Variants in PIEZO2 observed in about 807,000 individuals in gnomAD.
PIEZO2 encodes the protein piezo type mechanosensitive ion channel component 2.
A neutral mutation model predicts 337.3 loss-of-function variants in PIEZO2; 172 were observed. That is an observed-to-expected ratio of 0.51 (90% CI 0.45 to 0.58). The LOEUF (loss-of-function observed/expected upper bound fraction) is 0.58. Among genes scored for constraint, PIEZO2 ranks in the 20% least tolerant of loss-of-function variants. The pLI, the probability that PIEZO2 is intolerant of heterozygous loss-of-function variation, is 0.00. For missense variants in PIEZO2, 3,028 were observed against 3,391.3 expected (o/e 0.89, Z 2.66); for synonymous variants, 1,251 against 1,228.5 (o/e 1.02, Z -0.38).
At chr18:10,736,732 C>T (rs750895688) in intron 33 of PIEZO2, 22 bp from the exon 34 acceptor site, 12 of 1,532,040 alleles carry the variant, frequency 7.8e-6, no homozygotes, top group African/African-American at 2.8e-5. Flanking sequence ...AAAATATTCA[C>T]TCATTTCTTG....
chr18:10,787,953 A>G (rs2039280101), intron 15 of PIEZO2, among the ~76,000 whole-genome samples: 1 of 152,110 alleles, frequency 6.6e-6, no homozygotes, highest in Non-Finnish European at 1.5e-5. Flanking sequence ...AAAGCAGTCA[A>G]TGCACTATAC....
At chr18:10,732,056 A>T (rs2036809898) in intron 35 of PIEZO2, among the ~76,000 whole-genome samples, 1 of 152,232 alleles carries the variant, frequency 6.6e-6, no homozygotes, top group Non-Finnish European at 1.5e-5. Context: ...AAAATGTGAT[A>T]TTAAGGTTAA....
At chr18:10,826,607 T>C (rs1252404042) in intron 7 of PIEZO2, among the ~76,000 whole-genome samples, 2 of 152,232 alleles carry the variant, frequency 1.3e-5, no homozygotes, top group African/African-American at 4.8e-5. Context: ...TCAGCAAATT[T>C]CTTCCATCTT....
chr18:10,739,218 G>C (rs980951081), intron 33 of PIEZO2: 2 of 152,110 alleles, frequency 1.3e-5, no homozygotes, highest in African/African-American at 2.4e-5. Flanking sequence ...TAACACCACA[G>C]TCTGAATATG....
chr18:10,849,373 G>A (rs1240609627), intron 7 of PIEZO2, among the ~76,000 whole-genome samples: 1 of 151,922 alleles, frequency 6.6e-6, no homozygotes, highest in Admixed American at 6.6e-5. Flanking sequence ...TGTGATGTGC[G>A]GCCAAACTAT....
chr18:10,673,589 T>A lies in PIEZO2; in HGVS notation c.8162-716A>T, dbSNP rs1315978436. The stretch of plus-strand genomic sequence containing the variant: ...AATCTCTGAGAACCATAATATCGGG[T>A]CAGTGATTACTTTTATTGGAGTTTA... On this transcript the variant is annotated intron_variant, in intron 54 of 55. Transcript: ENST00000674853. This position sits in a 1 kb window ranked among gnomAD's most constrained non-coding sequence, Gnocchi z 4.8. Among the ~76,000 whole-genome samples the A allele has an allele frequency of 6.6e-6, 1 of 152,124 alleles. No individual in the cohort carries two copies. The highest frequency in any genetic ancestry group is 1.5e-5 in the Non-Finnish European group (1 of 68,022).
intron 20 of PIEZO2, 25 bp from the exon 21 acceptor site, chr18:10,770,333 G>A: frequency 6.6e-7 from 1 of 1,507,804 alleles, no homozygotes; most frequent in Non-Finnish European, 8.8e-7. Context: ...GTACAGACAA[G>A]AGCATAACAT....
At chr18:10,684,226 C>A (rs1280493827) in intron 49 of PIEZO2, among the ~76,000 whole-genome samples, 1 of 112,610 alleles carries the variant, frequency 8.9e-6, no homozygotes, top group Non-Finnish European at 1.6e-5. Context: ...AGTGCAGTGG[C>A]GCGATCTTGG....
chr18:10,719,002 TAAA>T lies in PIEZO2; in HGVS notation c.5030-746_5030-744del, dbSNP rs1567981799. ...TAAAATAAATAAATAAATAAATAAATAAATAAATAAATAAATAAATAAATTTGC... is the reference window on the plus strand; with the variant it reads ...TAAAATAAATAAATAAATAAATAAATTAAATAAATAAATAAATAAATTTGC... On this transcript the variant is annotated intron_variant, in intron 36 of 55. Coordinates refer to ENST00000674853, the MANE Select transcript of PIEZO2 (RefSeq NM_001378183.1). Among the ~76,000 whole-genome samples, 1,367 of 150,798 alleles carry T rather than the reference TAAA, an allele frequency of 9.1e-3. 22 individuals are homozygous for T. The highest frequency in any genetic ancestry group is 0.031 in the African/African-American group (1,280 of 41,134).
At position 11,116,560 on chromosome 18, in the gene PIEZO2, A is replaced by T. The variant is rs999261841; in HGVS notation, c.64+31965T>A. Among the ~76,000 whole-genome samples, 14 of 151,986 alleles carry T rather than the reference A, an allele frequency of 9.2e-5. No homozygotes were observed. Among genetic ancestry groups the T allele is most frequent in the East Asian group, 1.9e-4 (1 of 5,160 alleles). On this transcript the variant is annotated intron_variant, in intron 1 of 55. Transcript: ENST00000674853. The surrounding 1 kb of genome is among the most constrained non-coding windows in gnomAD (Gnocchi z 5.0). The stretch of plus-strand genomic sequence containing the variant: ...AACCCCGTCTCTACTAAAAAAAATT[A>T]AAAAATTAGCCGGGCGTGGTGGCGG...
At chr18:10,912,086 CAGA>C (rs1485091731) in intron 3 of PIEZO2, among the ~76,000 whole-genome samples, 4 of 151,750 alleles carry the variant, frequency 2.6e-5, no homozygotes, top group African/African-American at 9.7e-5. Flanking sequence ...CATGTTAAAT[CAGA>C]AGAACACAAA....
rs1470623903 is a variant in PIEZO2, at chr18:11,096,630, C to A, written c.65-30408G>T. Among the ~76,000 whole-genome samples the A allele has an allele frequency of 6.6e-6, 1 of 152,142 alleles. No homozygotes were observed. The highest frequency in any genetic ancestry group is 2.4e-5 in the African/African-American group (1 of 41,428). On this transcript the variant is annotated intron_variant, in intron 1 of 55. Transcript: ENST00000674853. The surrounding 1 kb of genome is among the most constrained non-coding windows in gnomAD (Gnocchi z 4.6). ...TCTCAGATTTATGGCTTATTTCCTG[C>A]CCTTCACCCTCATCTCCCCCACCCA...
chr18:11,035,209 G>A lies in PIEZO2; in HGVS notation c.160+30918C>T, dbSNP rs983992579. ...ATGTGATCCCCAATATTGGACATGG[G>A]GCCTGGTGGGAGGTGTTTGGTCCCA... On this transcript the variant is annotated intron_variant, in intron 2 of 55. Transcript: ENST00000674853. The surrounding 1 kb of genome is among the most constrained non-coding windows in gnomAD (Gnocchi z 4.3). 4.4e-4 allele frequency among the ~76,000 whole-genome samples: 67 copies of A among 152,056 alleles called. No homozygotes were observed. Among genetic ancestry groups the A allele is most frequent in the African/African-American group, 1.5e-3 (62 of 41,400 alleles).
rs1202555785 is a variant in PIEZO2 at position 11,031,188 on chromosome 18, A to T, written c.160+34939T>A. On this transcript the variant is annotated intron_variant, in intron 2 of 55. Transcript: ENST00000674853. This position sits in a 1 kb window ranked among gnomAD's most constrained non-coding sequence, Gnocchi z 4.7. Reference sequence around the variant, plus strand: ...TGTATTTTTTTTTTTTTTAGTGGAGATGGGATTTCACCGTGTTAGCCAGGA... The same window carrying T: ...TGTATTTTTTTTTTTTTTAGTGGAGTTGGGATTTCACCGTGTTAGCCAGGA... Among the ~76,000 whole-genome samples, 4 of 147,170 alleles carry T rather than the reference A, an allele frequency of 2.7e-5. No individual in the cohort carries two copies. The East Asian group carries it at 5.9e-4, about 22-fold the overall frequency.
At chr18:10,935,962 T>C (rs756910576) in intron 3 of PIEZO2, among the ~76,000 whole-genome samples, 4 of 152,164 alleles carry the variant, frequency 2.6e-5, no homozygotes, top group African/African-American at 9.6e-5. Context: ...TAGTGGGCCA[T>C]AATGGGAAGT....
At chr18:10,715,114 A>T (rs1311834868) in intron 38 of PIEZO2, among the ~76,000 whole-genome samples, 184 bp from the exon 39 acceptor site, 1 of 152,224 alleles carries the variant, frequency 6.6e-6, no homozygotes, top group Admixed American at 6.5e-5. Flanking sequence ...TACTAGGTAG[A>T]TCTAAGTAAA....
In PIEZO2 at chr18:11,086,247, G is replaced by A. The variant is rs568338873; in HGVS notation, c.65-20025C>T. Among the ~76,000 whole-genome samples, 3 of 152,262 alleles carry A rather than the reference G, an allele frequency of 2.0e-5. No homozygotes were observed. In the East Asian group the frequency reaches 5.8e-4, roughly 29 times the overall value. On this transcript the variant is annotated intron_variant, in intron 1 of 55. Coordinates refer to ENST00000674853, the MANE Select transcript of PIEZO2 (RefSeq NM_001378183.1). ...GAGAAATCTCAAAACAGGGCCGGGC[G>A]CAGTGGCTCATGCCTGTAATCCCAG...
intron 4 of PIEZO2, among the ~76,000 whole-genome samples, chr18:10,873,199 T>C (rs1323918596): frequency 1.3e-5 from 2 of 152,162 alleles, no homozygotes; most frequent in African/African-American, 4.8e-5. Context: ...TTTTGGAAAA[T>C]AAAAGTTATC....
Position 10,726,615 on chromosome 18 carries a change from C to A in PIEZO2, c.5029+4792G>T. On this transcript the variant is annotated intron_variant, in intron 36 of 55. Coordinates refer to ENST00000674853, the MANE Select transcript of PIEZO2 (RefSeq NM_001378183.1). This position sits in a 1 kb window ranked among gnomAD's most constrained non-coding sequence, Gnocchi z 5.9. Reference sequence around the variant, plus strand: ...ACCTGGCGCGCTACGTGCGGGACGCCGACGTGCGCTGGGAGTACTGCGCGC... The same window carrying A: ...ACCTGGCGCGCTACGTGCGGGACGCAGACGTGCGCTGGGAGTACTGCGCGC... 1 of 710,026 alleles carries A rather than the reference C, an allele frequency of 1.4e-6. No homozygotes were observed. The highest frequency in any genetic ancestry group is 1.8e-6 in the Non-Finnish European group (1 of 568,298). The allele number at this position is 710,026 out of a possible 1,614,324, so 44.0% of individuals were successfully genotyped here. A position where few individuals can be genotyped will look rare whatever the true frequency, so the allele number is the denominator to read the frequency against.
Sources: allele counts gnomAD v4.1 joint callset (sites outside exome capture counted in the v4.1 genomes callset), GRCh38; gene constraint gnomAD v4.1.1; non-coding constraint Gnocchi (gnomAD v3.1); transcripts MANE v1.5; gene names NCBI Gene and HGNC (gene_info 2026-07-23, HGNC 2026-07-21).